The following PWWP3A variants were observed in gnomAD, a reference collection of about 807,000 sequenced individuals.
The protein encoded by PWWP3A is PWWP domain-containing DNA repair factor 3A.
Under a neutral mutation model 79.0 loss-of-function variants are expected in PWWP3A, and 53 were observed. That is an observed-to-expected ratio of 0.67 (90% CI 0.54 to 0.84). The LOEUF is 0.84. Among genes scored for constraint, PWWP3A ranks in the 40% least tolerant of loss-of-function variants. The pLI is 0.00. For missense variants in PWWP3A, 973 were observed against 948.0 expected (o/e 1.03, Z -0.35); for synonymous variants, 443 against 394.4 (o/e 1.12, Z -1.46).
At chr19:1,358,222 T>A in intron 3 of PWWP3A, 172 bp from the exon 4 acceptor site, 1 of 540,466 alleles carries the variant, frequency 1.9e-6, no homozygotes, top group South Asian at 3.2e-5. Context: ...CCAGGGTTCT[T>A]GCTGCCTGTA....
At chr19:1,357,289 G>A in intron 3 of PWWP3A, 195 bp downstream of exon 3, 1 of 515,898 alleles carries the variant, frequency 1.9e-6, no homozygotes, top group South Asian at 2.6e-5. Context: ...GGAAGCTGAA[G>A]ATCCAAACGA....
At position 1,371,024 on chromosome 19, in the gene PWWP3A, C is replaced by G. The variant is rs1389174122; in HGVS notation, c.1932C>G (p.Leu644=). 6.3e-7 allele frequency: 1 copy of G among 1,575,040 alleles called. No homozygotes were observed. Among genetic ancestry groups the G allele is most frequent in the Non-Finnish European group, 8.6e-7 (1 of 1,160,120 alleles). Residue 644 remains leucine (L), a synonymous_variant, in exon 12 of 14, where the codon CTC becomes CTG. Coordinates refer to ENST00000591337, the MANE Select transcript of PWWP3A (RefSeq NM_001369789.1). ...GVYQEVGAKV[L]QRTNGDRIRF... ...ACCAGGAGGTGGGGGCCAAGGTGCTCCAGCGCACCAACGGCGACCGGATCC... is the reference window on the plus strand; with the variant it reads ...ACCAGGAGGTGGGGGCCAAGGTGCTGCAGCGCACCAACGGCGACCGGATCC...
In PWWP3A at chr19:1,377,212, T is replaced by A. The variant is rs910100929; in HGVS notation, c.*636T>A. The A allele has an allele frequency of 6.6e-6, 1 of 152,500 alleles. No homozygotes were observed. The highest frequency in any genetic ancestry group is 1.9e-4 in the East Asian group (1 of 5,188). The allele number at this position is 152,500 out of a possible 1,614,324, so 9.4% of individuals were successfully genotyped here. On this transcript the variant is annotated 3_prime_UTR_variant, in exon 14 of 14. Coordinates refer to ENST00000591337, the MANE Select transcript of PWWP3A (RefSeq NM_001369789.1). ...TTCCAGGGGCCTCTGTGTCCCGCAC[T>A]GTGTGTGAGTGGACCGCAGCGCGCA...
chr19:1,375,532 T>TATAAAATATAATATATAAA, intron 13 of PWWP3A, among the ~76,000 whole-genome samples: 1 of 112,072 alleles, frequency 8.9e-6, no homozygotes, highest in Admixed American at 1.0e-4. Flanking sequence ...ATATAATTTA[T>TATAAAATATAATATATAAA]ATATTTTATA....
At chr19:1,364,199 G>A (rs1013153769) in intron 6 of PWWP3A, 7 of 566,858 alleles carry the variant, frequency 1.2e-5, no homozygotes, top group Admixed American at 1.1e-4. Flanking sequence ...GCACACATAG[G>A]ACAGAGCCCC....
At chr19:1,363,583 G>T (rs906977063) in intron 6 of PWWP3A, among the ~76,000 whole-genome samples, 1 of 152,208 alleles carries the variant, frequency 6.6e-6, no homozygotes, top group African/African-American at 2.4e-5. Flanking sequence ...GGTGCTGCCT[G>T]GCTTCTCCTG....
Position 1,369,425 on chromosome 19 carries a change from C to A in PWWP3A, c.1498+85C>A. ...CCTTGGACGGGCTGGGCCGGAGCTGCCTGGAGGCGGGGCATATTTCCGTGG... is the reference window on the plus strand; with the variant it reads ...CCTTGGACGGGCTGGGCCGGAGCTGACTGGAGGCGGGGCATATTTCCGTGG... On this transcript the variant is annotated intron_variant, in intron 10 of 13. Transcript: ENST00000591337. The surrounding 1 kb of genome is among the most constrained non-coding windows in gnomAD (Gnocchi z 4.0). 1 of 1,536,362 alleles carries A rather than the reference C, an allele frequency of 6.5e-7. No homozygotes were observed. Among genetic ancestry groups the A allele is most frequent in the Non-Finnish European group, 9.0e-7 (1 of 1,112,534 alleles).
Position 1,367,071 on chromosome 19 carries a change from T to C in PWWP3A, c.1362-89T>C, listed in dbSNP as rs1037624482. 3 of 1,044,242 alleles carry C rather than the reference T, an allele frequency of 2.9e-6. No homozygotes were observed. The African/African-American group carries it at 4.8e-5, about 17-fold the overall frequency. 64.7% of individuals were successfully genotyped at this position (1,044,242 alleles called of 1,614,324 possible). The stretch of plus-strand genomic sequence containing the variant: ...GGGGCTGGTGGGGCCTCCAGCGGCC[T>C]CCACTGATCTTAATCAGAGACAGGG... On this transcript the variant is annotated intron_variant, in intron 8 of 13. Coordinates refer to ENST00000591337, the MANE Select transcript of PWWP3A (RefSeq NM_001369789.1).
chr19:1,364,824 A>G (rs2082094348), intron 7 of PWWP3A, among the ~76,000 whole-genome samples: 1 of 152,196 alleles, frequency 6.6e-6, no homozygotes, highest in African/African-American at 2.4e-5. Flanking sequence ...ACCTACTCGA[A>G]AAAAATATTT....
intron 12 of PWWP3A, 69 bp downstream of exon 12, chr19:1,371,147 A>G: frequency 6.6e-7 from 1 of 1,507,940 alleles, no homozygotes. Flanking sequence ...ACTCCGCACG[A>G]GGAGGCTGCC....
Position 1,370,896 on chromosome 19 carries a change from C to G in PWWP3A, c.1804C>G (p.Leu602Val). 1 of 1,555,724 alleles carries G rather than the reference C, an allele frequency of 6.4e-7. No individual in the cohort carries two copies. The highest frequency in any genetic ancestry group is 8.7e-7 in the Non-Finnish European group (1 of 1,149,304). ...AAAGAGCAGGAAGCCATCTCGCTGGCTGCAGACCTTCCTGAGCTCCAGCCA... is the reference window on the plus strand; with the variant it reads ...AAAGAGCAGGAAGCCATCTCGCTGGGTGCAGACCTTCCTGAGCTCCAGCCA... ...ILKSRKPSRW[L>V]QTFLSSSQYV... The change falls in exon 12 of 14, where the codon CTG becomes GTG. Residue 602 changes from leucine to valine, a missense_variant. Leu to Val is a conservative substitution (Grantham distance 32). Transcript: ENST00000591337.
chr19:1,372,881 C>A, intron 12 of PWWP3A, 191 bp from the exon 13 acceptor site: 1 of 582,052 alleles, frequency 1.7e-6, no homozygotes, highest in Non-Finnish European at 3.1e-6. Context: ...AAAGATAGTA[C>A]TGATTTAATT....
intron 12 of PWWP3A, chr19:1,372,785 T>G: frequency 3.0e-6 from 1 of 330,328 alleles, no homozygotes. Flanking sequence ...AAAAAAAACT[T>G]AAAATTTTTG....
At position 1,373,172 on chromosome 19, in the gene PWWP3A, C is replaced by A; in HGVS notation, c.2075+12C>A. ...TCGCTGAGCTACCGGTAGGCCGCTC[C>A]CGGCGCTATCTCCAGCCACTTGCGT... is the stretch of plus-strand genomic sequence containing the variant. On this transcript the variant is annotated intron_variant, in intron 13 of 13. Transcript: ENST00000591337. 3 of 1,610,484 alleles carry A rather than the reference C, an allele frequency of 1.9e-6. No individual in the cohort carries two copies. Among genetic ancestry groups the A allele is most frequent in the Non-Finnish European group, 2.5e-6 (3 of 1,177,248 alleles).
In PWWP3A at chr19:1,369,010, C is replaced by G. The variant is rs969854632; in HGVS notation, c.1423-255C>G. 2.2e-6 allele frequency: 1 copy of G among 447,138 alleles called. No homozygotes were observed. Among genetic ancestry groups the G allele is most frequent in the African/African-American group, 2.0e-5 (1 of 50,196 alleles). The allele number at this position is 447,138 out of a possible 1,614,324, so 27.7% of individuals were successfully genotyped here. Reference sequence around the variant, plus strand: ...GTGCCCACCTGCGTTCAGATCAGCCCAAGCCATCGGGTCCCCGGTGCCCAC... The same window carrying G: ...GTGCCCACCTGCGTTCAGATCAGCCGAAGCCATCGGGTCCCCGGTGCCCAC... On this transcript the variant is annotated intron_variant, in intron 9 of 13. Coordinates refer to ENST00000591337, the MANE Select transcript of PWWP3A (RefSeq NM_001369789.1). This position sits in a 1 kb window ranked among gnomAD's most constrained non-coding sequence, Gnocchi z 4.0.
At chr19:1,362,995 G>T (rs565623294) in intron 6 of PWWP3A, among the ~76,000 whole-genome samples, 1 of 152,222 alleles carries the variant, frequency 6.6e-6, no homozygotes, top group Admixed American at 6.5e-5. Context: ...ACCAAGTCTT[G>T]TTTTTCTTTT....
chr19:1,356,861 C>T, intron 2 of PWWP3A, 148 bp from the exon 3 acceptor site: 1 of 650,484 alleles, frequency 1.5e-6, no homozygotes, highest in Non-Finnish European at 2.7e-6. Flanking sequence ...GTTTCCCCAT[C>T]TGTGAAACAA....
Position 1,369,174 on chromosome 19 carries a change from C to T in PWWP3A, c.1423-91C>T, listed in dbSNP as rs1600118760. ...GGCTGGAGCGTGAGCAGCCTGGACA[C>T]CTGGCTGGTCCCTGGGCTCTGCGTG... is the stretch of plus-strand genomic sequence containing the variant. On this transcript the variant is annotated intron_variant, in intron 9 of 13. Coordinates refer to ENST00000591337, the MANE Select transcript of PWWP3A (RefSeq NM_001369789.1). The surrounding 1 kb of genome is among the most constrained non-coding windows in gnomAD (Gnocchi z 4.0). 5 of 1,214,414 alleles carry T rather than the reference C, an allele frequency of 4.1e-6. No individual in the cohort carries two copies. The East Asian group carries it at 9.8e-5, about 24-fold the overall frequency. 75.2% of individuals were successfully genotyped at this position (1,214,414 alleles called of 1,614,324 possible). A position where few individuals can be genotyped will look rare whatever the true frequency, so the allele number is the denominator to read the frequency against.
chr19:1,362,049 T>A, intron 5 of PWWP3A: 2 of 386,114 alleles, frequency 5.2e-6, no homozygotes, highest in Non-Finnish European at 4.7e-6. Context: ...CCTTCCCTCC[T>A]TCCCTCCTTC....
Sources: gnomAD v4.1 joint callset for allele counts (sites outside exome capture counted in the v4.1 genomes callset) on GRCh38, gnomAD v4.1.1 for gene constraint, Gnocchi (gnomAD v3.1) non-coding constraint, MANE v1.5 for transcripts, NCBI Gene and HGNC (gene_info 2026-07-23, HGNC 2026-07-21) for gene names.